Variants in TM2D1 observed in about 807,000 individuals in gnomAD.
The protein encoded by TM2D1 is TM2 domain containing 1, also known as TM2 domain-containing protein 1.
TM2D1 carries 15 observed loss-of-function variants against 28.4 expected under a neutral mutation model. The ratio of observed to expected loss-of-function variants is 0.53; its 90% CI spans 0.35 to 0.81. TM2D1 has a LOEUF of 0.81. Among genes scored for constraint, TM2D1 ranks in the 40% least tolerant of loss-of-function variants. TM2D1 has a pLI of 0.01. For synonymous variants in TM2D1, 93 were observed against 96.2 expected (o/e 0.97, Z 0.20); for missense variants, 236 against 254.9 (o/e 0.93, Z 0.50).
At chr1:61,713,273 T>C (rs1207101648) in intron 2 of TM2D1, among the ~76,000 whole-genome samples, 2 of 148,906 alleles carry the variant, frequency 1.3e-5, no homozygotes, top group Non-Finnish European at 3.0e-5. Context: ...CAGCCAGGAG[T>C]TCAAGACCAG....
Position 61,697,106 on chromosome 1 carries a change from A to C in TM2D1, c.440-2336T>G, listed in dbSNP as rs1453099448. Reference sequence around the variant, plus strand: ...GAAGTATTTTTATATTTGGAAACCTAAAACAAGTTTAAGATGGCATTATTG... The same window carrying C: ...GAAGTATTTTTATATTTGGAAACCTCAAACAAGTTTAAGATGGCATTATTG... On this transcript the variant is annotated intron_variant, in intron 4 of 6. Coordinates refer to ENST00000606498, the MANE Select transcript of TM2D1 (RefSeq NM_032027.3). Among the ~76,000 whole-genome samples the C allele has an allele frequency of 3.9e-5, 6 of 152,190 alleles. No individual in the cohort carries two copies. In the South Asian group the frequency reaches 8.3e-4, roughly 21 times the overall value.
chr1:61,718,290 CAA>C (rs11356996), intron 2 of TM2D1, among the ~76,000 whole-genome samples: 25 of 142,578 alleles, frequency 1.8e-4, no homozygotes, highest in African/African-American at 2.0e-4. Context: ...ACCCCATCTC[CAA>C]AAAAAAAAAA....
At chr1:61,708,350 T>C (rs1255683524) in intron 3 of TM2D1, among the ~76,000 whole-genome samples, 1 of 152,154 alleles carries the variant, frequency 6.6e-6, no homozygotes, top group Non-Finnish European at 1.5e-5. Flanking sequence ...ACTCTAGGCC[T>C]AAAAGTCCTT....
intron 4 of TM2D1, among the ~76,000 whole-genome samples, chr1:61,696,542 C>CAA (rs10710571): frequency 8.2e-6 from 1 of 121,624 alleles, no homozygotes; most frequent in African/African-American, 3.1e-5. Flanking sequence ...AACCTTGTCT[C>CAA]AAAAAAAAAA....
chr1:61,716,083 G>A (rs1644516798), intron 2 of TM2D1, among the ~76,000 whole-genome samples: 1 of 151,696 alleles, frequency 6.6e-6, no homozygotes, highest in Admixed American at 6.6e-5. Flanking sequence ...GGGATTACAG[G>A]CATGAGCCAC....
At chr1:61,690,736 C>G (rs1274234297) in intron 5 of TM2D1, among the ~76,000 whole-genome samples, 2 of 151,954 alleles carry the variant, frequency 1.3e-5, no homozygotes, top group African/African-American at 4.8e-5. Flanking sequence ...GTCATTTTTC[C>G]TCAAAAAATT....
intron 3 of TM2D1, among the ~76,000 whole-genome samples, chr1:61,707,371 C>G (rs1282337159): frequency 6.6e-6 from 1 of 152,154 alleles, no homozygotes; most frequent in African/African-American, 2.4e-5. Flanking sequence ...AATTAAGTAA[C>G]AGACCATTCT....
chr1:61,709,464 G>A (rs1023134915), intron 2 of TM2D1, 27 bp from the exon 3 acceptor site: 3 of 1,510,184 alleles, frequency 2.0e-6, no homozygotes, highest in Non-Finnish European at 2.8e-6. Flanking sequence ...TCAAGAAACT[G>A]TTATTTTTTT....
In TM2D1 at chr1:61,723,796, AAAGTT is replaced by A. The variant is rs2148072897; in HGVS notation, c.165-15_165-11del. The A allele has an allele frequency of 7.3e-7, 1 of 1,374,526 alleles. No individual in the cohort carries two copies. Among genetic ancestry groups the A allele is most frequent in the East Asian group, 2.5e-5 (1 of 40,606 alleles). The allele number at this position is 1,374,526 out of a possible 1,614,324, so 85.1% of individuals were successfully genotyped here. ...ATCTTTACAAATATATGTAAAAAAAAAAGTTAAGGAAATACGGACTACATTCCAAC... is the reference window on the plus strand; with the variant it reads ...ATCTTTACAAATATATGTAAAAAAAAAAGGAAATACGGACTACATTCCAAC... On this transcript the variant is annotated splice_polypyrimidine_tract_variant and intron_variant, in intron 1 of 6. Coordinates refer to ENST00000606498, the MANE Select transcript of TM2D1 (RefSeq NM_032027.3).
chr1:61,690,473 A>C lies in TM2D1; in HGVS notation c.513+4224T>G, dbSNP rs865782169. Among the ~76,000 whole-genome samples, 74 of 151,348 alleles carry C rather than the reference A, an allele frequency of 4.9e-4. 2 individuals are homozygous for C. Among genetic ancestry groups the C allele is most frequent in the Middle Eastern group, 6.9e-3 (2 of 288 alleles). On this transcript the variant is annotated intron_variant, in intron 5 of 6. Transcript: ENST00000606498. ...CTCAGTCTCAAAAAAAAAAAAAAAA[A>C]AAAAAAAACACAAAACAAAACAAAA... is the stretch of plus-strand genomic sequence containing the variant.
intron 5 of TM2D1, among the ~76,000 whole-genome samples, chr1:61,691,628 T>C (rs1009100244): frequency 6.6e-6 from 1 of 150,558 alleles, no homozygotes; most frequent in African/African-American, 2.4e-5. Context: ...TATAAAAATA[T>C]AAGGAGGCTG....
At chr1:61,715,213 C>A (rs114074213) in intron 2 of TM2D1, among the ~76,000 whole-genome samples, 52 of 152,190 alleles carry the variant, frequency 3.4e-4, no homozygotes, top group African/African-American at 1.3e-3. Flanking sequence ...TTGAAAAGAT[C>A]GAGAACTCCA....
chr1:61,709,388 A>T lies in TM2D1; in HGVS notation c.288T>A (p.Asn96Lys), dbSNP rs1456923469. 1 of 1,613,472 alleles carries T rather than the reference A, an allele frequency of 6.2e-7. No individual in the cohort carries two copies. Among genetic ancestry groups the T allele is most frequent in the African/African-American group, 1.3e-5 (1 of 74,898 alleles). The change falls in exon 3 of 7, where the codon AAT becomes AAA. Residue 96 changes from asparagine (N) to lysine (K), a missense_variant. Around this residue, in one of 3 missense-constraint regions of TM2D1, gnomAD observed 167 missense variants for 162.7 expected, o/e 1.03. Coordinates refer to ENST00000606498, the MANE Select transcript of TM2D1 (RefSeq NM_032027.3). ...PNITCKDSSG[N>K]ETHFTGNEVG... ...CTTCGTTCCCAGTAAAATGTGTTTC[A>T]TTGCCACTGGAATCCTTACAAGTTA... is the stretch of plus-strand genomic sequence containing the variant.
chr1:61,707,566 T>A (rs1227556035), intron 3 of TM2D1, among the ~76,000 whole-genome samples: 2 of 152,194 alleles, frequency 1.3e-5, no homozygotes, highest in African/African-American at 4.8e-5. Flanking sequence ...TTTTTAAACT[T>A]ACCCCTGTAA....
rs1570097881 is a variant in TM2D1, at chr1:61,691,026, G to A, written c.513+3671C>T. ...TGATGAACAGAATTTTTAAAAAATT[G>A]TGACAAAGAAAGAACCCAGCATACT... On this transcript the variant is annotated intron_variant, in intron 5 of 6. Coordinates refer to ENST00000606498, the MANE Select transcript of TM2D1 (RefSeq NM_032027.3). Among the ~76,000 whole-genome samples, 3 of 152,252 alleles carry A rather than the reference G, an allele frequency of 2.0e-5. No individual in the cohort carries two copies. The South Asian group carries it at 6.2e-4, about 32-fold the overall frequency.
At chr1:61,719,617 C>T (rs563534720) in intron 2 of TM2D1, among the ~76,000 whole-genome samples, 26 of 152,150 alleles carry the variant, frequency 1.7e-4, no homozygotes, top group Non-Finnish European at 1.5e-4. Context: ...TTCAGCCTCC[C>T]AAGTAGCTGG....
chr1:61,687,747 A>G (rs1644294176), intron 5 of TM2D1, among the ~76,000 whole-genome samples: 1 of 152,198 alleles, frequency 6.6e-6, no homozygotes, highest in African/African-American at 2.4e-5. Flanking sequence ...TGCTTTCTCT[A>G]TCTAAAAGAC....
intron 3 of TM2D1, among the ~76,000 whole-genome samples, chr1:61,704,087 A>C (rs1644424030): frequency 6.6e-6 from 1 of 151,798 alleles, no homozygotes; most frequent in Admixed American, 6.6e-5. Flanking sequence ...ACGGGTTTTC[A>C]CCATGTTGTC....
chr1:61,715,965 C>T (rs181530233), intron 2 of TM2D1, among the ~76,000 whole-genome samples: 1,513 of 151,118 alleles, frequency 0.01, 24 homozygotes, highest in African/African-American at 0.034. Context: ...CCATGCCCAG[C>T]TAATTTTTTT....
Sources: allele counts gnomAD v4.1 joint callset (sites outside exome capture counted in the v4.1 genomes callset), GRCh38; gene constraint gnomAD v4.1.1; regional missense constraint gnomAD v4.1.1; transcripts MANE v1.5; gene names NCBI Gene and HGNC (gene_info 2026-07-23, HGNC 2026-07-21).